MCTP2: variants seen among roughly 807,000 people sequenced by gnomAD.
The protein encoded by MCTP2 is multiple C2 and transmembrane domain containing 2, also known as multiple C2 and transmembrane domain-containing protein 2.
Under a neutral mutation model 111.6 loss-of-function variants are expected in MCTP2, and 132 were observed. The ratio of observed to expected loss-of-function variants is 1.18; its 90% CI spans 1.03 to 1.37. MCTP2 has a LOEUF of 1.37. MCTP2 is among the 40% of genes most tolerant of loss of function. The probability of loss-of-function intolerance (pLI) is 0.00; values close to 1 mark genes in which losing one functional copy is unlikely to be tolerated. For synonymous variants in MCTP2, 395 were observed against 387.7 expected, an observed-to-expected ratio of 1.02 and a Z score of -0.22; for missense variants, 1,183 against 1,067.9, an observed-to-expected ratio of 1.11 and a Z score of -1.50.
intron 1 of MCTP2, among the ~76,000 whole-genome samples, chr15:94,234,289 A>C (rs2070391355): frequency 6.6e-6 from 1 of 152,232 alleles, no homozygotes; most frequent in Non-Finnish European, 1.5e-5. Flanking sequence ...TTAATACAAA[A>C]TTAGGTGTGA....
intron 1 of MCTP2, among the ~76,000 whole-genome samples, chr15:94,291,254 A>G (rs764768608): frequency 2.0e-5 from 3 of 152,248 alleles, no homozygotes; most frequent in Non-Finnish European, 2.9e-5. Context: ...GAAATTACCA[A>G]TATACTTTTG....
At chr15:94,372,153 A>G (rs1405213522) in intron 12 of MCTP2, among the ~76,000 whole-genome samples, 1 of 152,226 alleles carries the variant, frequency 6.6e-6, no homozygotes, top group East Asian at 1.9e-4. Context: ...AATTCCAATA[A>G]CGATAGCAGT....
At chr15:94,386,411 T>C (rs1437609323) in intron 14 of MCTP2, among the ~76,000 whole-genome samples, 6 of 152,254 alleles carry the variant, frequency 3.9e-5, no homozygotes, top group African/African-American at 1.4e-4. Flanking sequence ...GAGATTAGCC[T>C]AACTCACTTG....
In MCTP2 at chr15:94,370,167, G is replaced by T. The variant is rs752011489; in HGVS notation, c.1569G>T (p.Ala523=). ...VKVLKAADLL[A]ADFSGKSDPF... ...TTTTAAAGGCAGCAGATCTCTTAGC[G>T]GCAGATTTCTCAGGTACAGGACATT... The change falls in exon 12 of 23, where the codon GCG becomes GCT. Residue 523 remains alanine, a synonymous_variant. Transcript: ENST00000357742. The T allele has an allele frequency of 6.2e-7, 1 of 1,610,892 alleles. No homozygotes were observed. The highest frequency in any genetic ancestry group is 8.5e-7 in the Non-Finnish European group (1 of 1,178,658).
chr15:94,430,765 A>T (rs866328101), intron 17 of MCTP2, among the ~76,000 whole-genome samples: 6 of 151,570 alleles, frequency 4.0e-5, no homozygotes, highest in Non-Finnish European at 8.8e-5. Context: ...AATAAAAAAT[A>T]AAAAAATAAA....
intron 3 of MCTP2, chr15:94,314,944 A>G (rs2076314168): frequency 2.8e-6 from 1 of 354,590 alleles, no homozygotes. Flanking sequence ...AAGCCGGGAG[A>G]GCACTGGACA....
At position 94,479,265 on chromosome 15, in the gene MCTP2, C is replaced by CAAGACTGT. The variant is rs1485288306; in HGVS notation, c.*232_*239dup. On this transcript the variant is annotated 3_prime_UTR_variant, in exon 23 of 23. Coordinates refer to ENST00000357742, the MANE Select transcript of MCTP2 (RefSeq NM_001385001.1). ...TCAGCCCAGCGAAAAGCAACAACCC[C>CAAGACTGT]AAGACTGTGAAAGACTAACATCCAT... The CAAGACTGT allele has an allele frequency of 1.6e-5, 9 of 551,468 alleles. No individual in the cohort carries two copies. Among genetic ancestry groups the CAAGACTGT allele is most frequent in the Admixed American group, 3.0e-5 (1 of 33,580 alleles). 34.2% of individuals were successfully genotyped at this position (551,468 alleles called of 1,614,324 possible). A position where few individuals can be genotyped will look rare whatever the true frequency, so the allele number is the denominator to read the frequency against.
At chr15:94,265,946 A>G (rs1425478164) in intron 1 of MCTP2, among the ~76,000 whole-genome samples, 1 of 152,146 alleles carries the variant, frequency 6.6e-6, no homozygotes, top group African/African-American at 2.4e-5. Context: ...CAATTTCAGT[A>G]TTTTCGTCTG....
intron 17 of MCTP2, among the ~76,000 whole-genome samples, chr15:94,426,373 A>G (rs1278332904): frequency 1.3e-5 from 2 of 151,914 alleles, no homozygotes; most frequent in Non-Finnish European, 2.9e-5. Flanking sequence ...TTATTATTCT[A>G]TTTCTAGTTT....
intron 17 of MCTP2, among the ~76,000 whole-genome samples, chr15:94,412,543 G>A (rs1190860940): frequency 6.6e-6 from 1 of 152,146 alleles, no homozygotes; most frequent in Non-Finnish European, 1.5e-5. Flanking sequence ...TGATGATGAT[G>A]ATGAACGGTG....
At chr15:94,274,592 T>A (rs373041867) in intron 1 of MCTP2, among the ~76,000 whole-genome samples, 69 of 152,264 alleles carry the variant, frequency 4.5e-4, no homozygotes, top group African/African-American at 1.5e-3. Context: ...TGAATAACTC[T>A]AGTCCAATAA....
At chr15:94,463,450 T>A (rs1017346015) in intron 20 of MCTP2, among the ~76,000 whole-genome samples, 3 of 152,186 alleles carry the variant, frequency 2.0e-5, no homozygotes, top group African/African-American at 4.8e-5. Flanking sequence ...TTTGATTTGT[T>A]TCTAATAACC....
At chr15:94,443,882 T>A (rs887686197) in intron 19 of MCTP2, among the ~76,000 whole-genome samples, 10 of 150,696 alleles carry the variant, frequency 6.6e-5, no homozygotes, top group Non-Finnish European at 4.4e-5. Flanking sequence ...AAGTTTCTTA[T>A]TGATGTCTTG....
intron 17 of MCTP2, among the ~76,000 whole-genome samples, chr15:94,412,541 A>G (rs2082200203): frequency 6.6e-6 from 1 of 152,160 alleles, no homozygotes; most frequent in South Asian, 2.1e-4. Context: ...GATGATGATG[A>G]TGATGAACGG....
Position 94,288,381 on chromosome 15 carries a change from C to T in MCTP2, c.-65-9820C>T, listed in dbSNP as rs1391956215. On this transcript the variant is annotated intron_variant, in intron 1 of 22. Transcript: ENST00000357742. ...CTGATCCTTATTAGCGTACCAATGA[C>T]TTTGAGAATGGAGTTAATGGGTGGA... Among the ~76,000 whole-genome samples, 7 of 152,312 alleles carry T rather than the reference C, an allele frequency of 4.6e-5. No individual in the cohort carries two copies. In the East Asian group the frequency reaches 1.3e-3, roughly 29 times the overall value.
intron 18 of MCTP2, among the ~76,000 whole-genome samples, chr15:94,442,643 A>AC (rs1197424585): frequency 3.7e-4 from 56 of 152,352 alleles, no homozygotes; most frequent in African/African-American, 1.2e-3. Context: ...CAGAAAGTAC[A>AC]ACTCAGCAAT....
intron 17 of MCTP2, among the ~76,000 whole-genome samples, chr15:94,437,078 A>G (rs2083515126): frequency 6.6e-6 from 1 of 150,994 alleles, no homozygotes; most frequent in Non-Finnish European, 1.5e-5. Flanking sequence ...GGAGCAAGCC[A>G]CACTAGAGGA....
At chr15:94,402,260 G>C in intron 17 of MCTP2, 6 of 977,236 alleles carry the variant, frequency 6.1e-6, no homozygotes, top group Non-Finnish European at 7.3e-6. Context: ...TGTTGTTACA[G>C]CTACATTTGT....
At chr15:94,345,554 T>G (rs12904448) in intron 8 of MCTP2, among the ~76,000 whole-genome samples, 40,418 of 152,078 alleles carry the variant, frequency 0.27, 6,245 homozygotes, top group African/African-American at 0.41. Context: ...GTACACTTTT[T>G]AAGTCTCTTT....
Sources: allele counts gnomAD v4.1 joint callset (sites outside exome capture counted in the v4.1 genomes callset), GRCh38; gene constraint gnomAD v4.1.1; transcripts MANE v1.5; gene names NCBI Gene and HGNC (gene_info 2026-07-23, HGNC 2026-07-21).